RYR1: variants seen among roughly 807,000 people sequenced by gnomAD.
RYR1 encodes the protein ryanodine receptor 1.
In RYR1, 342 loss-of-function variants were observed where a neutral mutation model predicts 583.5. The observed-to-expected ratio is 0.59, with a 90% CI of 0.54 to 0.64. RYR1 has a LOEUF of 0.64. Among genes scored for constraint, RYR1 ranks in the 30% least tolerant of loss-of-function variants. The probability of loss-of-function intolerance (pLI) is 0.00; values close to 1 mark genes in which losing one functional copy is unlikely to be tolerated. For synonymous variants in RYR1, 2,791 were observed against 2,822.5 expected (o/e 0.99, Z 0.35); for missense variants, 6,032 against 6,917.2 (o/e 0.87, Z 4.54).
intron 76 of RYR1, among the ~76,000 whole-genome samples, chr19:38,529,837 C>A (rs1971651523): frequency 6.6e-6 from 1 of 152,110 alleles, no homozygotes; most frequent in African/African-American, 2.4e-5. Context: ...TCATCAAATG[C>A]TTATTATGTG....
At chr19:38,481,128 A>C (rs1327421562) in intron 31 of RYR1, among the ~76,000 whole-genome samples, 1 of 151,624 alleles carries the variant, frequency 6.6e-6, no homozygotes, top group African/African-American at 2.4e-5. Flanking sequence ...TTATTTATTT[A>C]TTTATTTTAA....
Position 38,528,982 on chromosome 19 carries a change from A to T in RYR1, c.11066A>T (p.Glu3689Val), listed in dbSNP as rs1419708528. ...GGGGAGCAGGAGGAGGAGGAGGAAG[A>T]GGTGGAAGAGAAGAAGCCAGACCCC... is the stretch of plus-strand genomic sequence containing the variant. ...KAGEQEEEEE[E>V]VEEKKPDPLH... The change falls in exon 76 of 106, where the codon GAG becomes GTG. Residue 3689 changes from glutamate to valine, a missense_variant. Glu to Val is a moderately radical substitution (Grantham distance 121). Around this residue, in one of 11 missense-constraint regions of RYR1, gnomAD observed 1,493 missense variants for 1,715.5 expected, o/e 0.87. Coordinates refer to ENST00000359596, the MANE Select transcript of RYR1 (RefSeq NM_000540.3). 6.2e-7 allele frequency: 1 copy of T among 1,612,578 alleles called. No individual in the cohort carries two copies. The highest frequency in any genetic ancestry group is 8.5e-7 in the Non-Finnish European group (1 of 1,179,416).
chr19:38,507,799 C>A lies in RYR1; in HGVS notation c.8904C>A (p.Asp2968Glu), dbSNP rs759530203. The A allele has an allele frequency of 1.1e-4, 170 of 1,613,304 alleles. No individual in the cohort carries two copies. The highest frequency in any genetic ancestry group is 1.4e-4 in the Non-Finnish European group (164 of 1,179,450). ...TGCAGCAGCTGCTGCGCTGGATGGA[C>A]ATTTCTCAGGAGTTCATTGCCCACC... is the stretch of plus-strand genomic sequence containing the variant. ...GFLQQLLRWM[D>E]ISQEFIAHLE... The change falls in exon 58 of 106, where the codon GAC (aspartate) becomes GAA (glutamate). Residue 2968 changes from aspartate to glutamate, a missense_variant. This residue lies in a region of RYR1 where 1,493 missense variants were observed against 1,715.5 expected (regional missense o/e 0.87). Coordinates refer to ENST00000359596, the MANE Select transcript of RYR1 (RefSeq NM_000540.3).
At chr19:38,556,695 C>T (rs972050318) in intron 89 of RYR1, among the ~76,000 whole-genome samples, 3 of 152,076 alleles carry the variant, frequency 2.0e-5, no homozygotes, top group Admixed American at 6.6e-5. Context: ...TGGCCATAAT[C>T]AATCTAAAAA....
rs749357769 is a variant in RYR1, at chr19:38,446,766, CAGGT to C, written c.800+2_800+5del. 2 of 1,613,152 alleles carry C rather than the reference CAGGT, an allele frequency of 1.2e-6. No homozygotes were observed. The highest frequency in any genetic ancestry group is 2.7e-5 in the African/African-American group (2 of 74,898). On this transcript the variant is annotated splice_donor_variant and coding_sequence_variant, in exon 9 of 106. Coordinates refer to ENST00000359596, the MANE Select transcript of RYR1 (RefSeq NM_000540.3). LOFTEE classifies it high-confidence loss of function. ...TCTGGAGGCTGGAGCCACTGAGAAT[CAGGT>C]AGGGCGGGGAAGATGGGGAGAGACC...
intron 84 of RYR1, among the ~76,000 whole-genome samples, chr19:38,540,280 G>A (rs1338592523): frequency 6.6e-6 from 1 of 150,890 alleles, no homozygotes; most frequent in Non-Finnish European, 1.5e-5. Flanking sequence ...TTCAAGACAA[G>A]TCTGGGCAAC....
chr19:38,528,682 TAGA>T lies in RYR1; in HGVS notation c.11022_11024del (p.Asp3676del), dbSNP rs1568542374. On this transcript the variant is annotated inframe_deletion, in exon 75 of 106. Transcript: ENST00000359596. ...GACCACAGTTTTGAGGACCGCATGA[TAGA>T]TGACCTTTCAGTGAGCTGGGACCCG... is the stretch of plus-strand genomic sequence containing the variant. 1 of 1,614,042 alleles carries T rather than the reference TAGA, an allele frequency of 6.2e-7. No homozygotes were observed. Among genetic ancestry groups the T allele is most frequent in the Admixed American group, 1.7e-5 (1 of 60,010 alleles).
intron 84 of RYR1, among the ~76,000 whole-genome samples, chr19:38,542,301 A>G (rs1352468134): frequency 2.0e-5 from 3 of 152,022 alleles, no homozygotes; most frequent in African/African-American, 4.8e-5. Flanking sequence ...TAGGTGCTCA[A>G]TAAATATTTG....
chr19:38,584,365 T>C (rs1974357154), intron 101 of RYR1, among the ~76,000 whole-genome samples: 1 of 117,368 alleles, frequency 8.5e-6, no homozygotes, highest in Admixed American at 9.6e-5. Flanking sequence ...CTGACCCCTC[T>C]GCCTGTGCCC....
chr19:38,473,228 C>T (rs527795723), intron 27 of RYR1, 149 bp from the exon 28 acceptor site: 1 of 999,662 alleles, frequency 1.0e-6, no homozygotes, highest in Non-Finnish European at 1.6e-6. Flanking sequence ...CCGGGAGCTT[C>T]ATCCCCCTGC....
chr19:38,484,266 TGGGCAACA>T (rs1969163358), intron 33 of RYR1, among the ~76,000 whole-genome samples: 1 of 152,118 alleles, frequency 6.6e-6, no homozygotes, highest in South Asian at 2.1e-4. Context: ...CACTCCAGCC[TGGGCAACA>T]GAGCAAGATG....
chr19:38,560,455 G>A (rs62120348), intron 89 of RYR1, among the ~76,000 whole-genome samples: 3,703 of 151,932 alleles, frequency 0.024, 72 homozygotes, highest in Admixed American at 0.041. Context: ...ATGGCTGGGC[G>A]CGGTGGCACA....
intron 1 of RYR1, among the ~76,000 whole-genome samples, chr19:38,438,907 C>G (rs140711794): frequency 6.6e-6 from 1 of 152,090 alleles, no homozygotes; most frequent in East Asian, 1.9e-4. Context: ...CGTGAGCCGC[C>G]GTGCCTGGCC....
At chr19:38,526,599 G>A (rs944943338) in intron 71 of RYR1, among the ~76,000 whole-genome samples, 1 of 144,248 alleles carries the variant, frequency 6.9e-6, no homozygotes, top group Non-Finnish European at 1.5e-5. Context: ...TGTGTAACCA[G>A]TGACTCCGTT....
chr19:38,439,271 G>C (rs1035545560), intron 1 of RYR1, among the ~76,000 whole-genome samples: 3 of 151,146 alleles, frequency 2.0e-5, no homozygotes, highest in African/African-American at 7.3e-5. Flanking sequence ...GTGCAATCTG[G>C]TGGTAGCAAC....
In RYR1 at chr19:38,483,789, CA is replaced by C. The variant is rs1568482083; in HGVS notation, c.4934+274del. ...AGACAATACCCCAAGGACCCAGACC[CA>C]CTCCACAGGGCCCCAAACCCATCTC... On this transcript the variant is annotated intron_variant, in intron 33 of 105. Transcript: ENST00000359596. The surrounding 1 kb of genome is among the most constrained non-coding windows in gnomAD (Gnocchi z 6.3). Among the ~76,000 whole-genome samples the C allele has an allele frequency of 1.3e-5, 2 of 151,976 alleles. No individual in the cohort carries two copies. Among genetic ancestry groups the C allele is most frequent in the African/African-American group, 2.4e-5 (1 of 41,364 alleles).
intron 96 of RYR1, among the ~76,000 whole-genome samples, chr19:38,575,109 C>G (rs916883706): frequency 6.6e-6 from 1 of 150,974 alleles, no homozygotes; most frequent in African/African-American, 2.4e-5. Flanking sequence ...ACTTGGAAAA[C>G]TGGTGAATAA....
In RYR1 at chr19:38,483,572, C is replaced by G. The variant is rs999469806; in HGVS notation, c.4934+56C>G. ...GCAGGTGTTGCAAGCCCTCTGGGGT[C>G]TGGGTCCCACTCAGTGCCCCTCCTC... On this transcript the variant is annotated intron_variant, in intron 33 of 105. Transcript: ENST00000359596. The surrounding 1 kb of genome is among the most constrained non-coding windows in gnomAD (Gnocchi z 6.3). 2 of 1,458,736 alleles carry G rather than the reference C, an allele frequency of 1.4e-6. No homozygotes were observed. Among genetic ancestry groups the G allele is most frequent in the African/African-American group, 1.4e-5 (1 of 71,474 alleles). The allele number at this position is 1,458,736 out of a possible 1,614,324, so 90.4% of individuals were successfully genotyped here.
intron 31 of RYR1, among the ~76,000 whole-genome samples, chr19:38,479,752 G>C (rs1466854120): frequency 6.6e-6 from 1 of 152,022 alleles, no homozygotes; most frequent in Non-Finnish European, 1.5e-5. Context: ...GTTTCGCTCT[G>C]TTACCCAGGC....
Sources: gnomAD v4.1 joint callset for allele counts (sites outside exome capture counted in the v4.1 genomes callset) on GRCh38, gnomAD v4.1.1 for gene constraint, gnomAD v4.1.1 regional missense constraint, Gnocchi (gnomAD v3.1) non-coding constraint, MANE v1.5 for transcripts, NCBI Gene and HGNC (gene_info 2026-07-23, HGNC 2026-07-21) for gene names.